PPFIA2: variants seen among roughly 807,000 people sequenced by gnomAD.
The protein encoded by PPFIA2 is PPFI scaffold protein A2.
Under a neutral mutation model 175.5 loss-of-function variants are expected in PPFIA2, and 46 were observed. The observed-to-expected ratio is 0.26, with a 90% CI of 0.21 to 0.34. The LOEUF (loss-of-function observed/expected upper bound fraction) is 0.34. Among genes scored for constraint, PPFIA2 ranks in the 10% least tolerant of loss-of-function variants. The pLI, the probability that PPFIA2 is intolerant of heterozygous loss-of-function variation, is 1.00. For missense variants in PPFIA2, 1,179 were observed against 1,506.1 expected, an observed-to-expected ratio of 0.78 and a Z score of 3.60; for synonymous variants, 568 against 511.4, an observed-to-expected ratio of 1.11 and a Z score of -1.49.
chr12:81,533,896 T>A (rs1003458175), intron 4 of PPFIA2, among the ~76,000 whole-genome samples: 1 of 151,466 alleles, frequency 6.6e-6, no homozygotes, highest in Admixed American at 6.6e-5. Context: ...GTCTTTAAAT[T>A]ATCACTCCCT....
intron 22 of PPFIA2, among the ~76,000 whole-genome samples, chr12:81,304,132 G>T (rs2048555302): frequency 6.6e-6 from 1 of 152,016 alleles, no homozygotes; most frequent in Non-Finnish European, 1.5e-5. Flanking sequence ...TCCTTCTCTT[G>T]CCCTGGAGGC....
intron 7 of PPFIA2, among the ~76,000 whole-genome samples, chr12:81,415,352 C>A (rs1317135599): frequency 7.0e-6 from 1 of 143,530 alleles, no homozygotes; most frequent in African/African-American, 2.5e-5. Context: ...TTATTTTAAA[C>A]TTCCCACCCC....
intron 4 of PPFIA2, among the ~76,000 whole-genome samples, chr12:81,599,803 G>A (rs1410116105): frequency 8.6e-5 from 13 of 151,778 alleles, no homozygotes; most frequent in Non-Finnish European, 1.9e-4. Context: ...TGTTTCTCAT[G>A]ACCTTGATGG....
chr12:81,343,125 G>A (rs1176903282), intron 19 of PPFIA2, among the ~76,000 whole-genome samples: 2 of 151,994 alleles, frequency 1.3e-5, no homozygotes, highest in Non-Finnish European at 2.9e-5. Flanking sequence ...TAAAATGGAA[G>A]TGATACAACA....
chr12:81,342,978 T>A (rs914364314), intron 19 of PPFIA2, among the ~76,000 whole-genome samples: 3 of 128,602 alleles, frequency 2.3e-5, no homozygotes, highest in Non-Finnish European at 3.4e-5. Context: ...ATAATAATAA[T>A]AAATCATGTA....
At chr12:81,439,260 T>A (rs1179933253) in intron 7 of PPFIA2, among the ~76,000 whole-genome samples, 1 of 149,740 alleles carries the variant, frequency 6.7e-6, no homozygotes, top group Non-Finnish European at 1.5e-5. Context: ...GAGACTATAA[T>A]AATACTTCAG....
At chr12:81,519,530 G>C (rs139622257) in intron 4 of PPFIA2, among the ~76,000 whole-genome samples, 59 of 152,304 alleles carry the variant, frequency 3.9e-4, no homozygotes, top group African/African-American at 1.3e-3. Context: ...ACAGCCTATA[G>C]GGGTACAGTT....
At chr12:81,304,079 T>C (rs1283856521) in intron 22 of PPFIA2, among the ~76,000 whole-genome samples, 1 of 152,198 alleles carries the variant, frequency 6.6e-6, no homozygotes, top group Non-Finnish European at 1.5e-5. Context: ...ATACTTTGTC[T>C]TGATTTTCAT....
chr12:81,679,239 G>C (rs1055304011), intron 3 of PPFIA2, among the ~76,000 whole-genome samples: 1 of 151,640 alleles, frequency 6.6e-6, no homozygotes, highest in African/African-American at 2.4e-5. Context: ...AAAAGTTTCT[G>C]TTCATGTAAA....
At chr12:81,608,609 C>G (rs1172094237) in intron 4 of PPFIA2, among the ~76,000 whole-genome samples, 1 of 151,838 alleles carries the variant, frequency 6.6e-6, no homozygotes, top group East Asian at 1.9e-4. Context: ...CTCCGAGAAT[C>G]CTTTGTGTTT....
intron 7 of PPFIA2, among the ~76,000 whole-genome samples, chr12:81,420,647 G>A (rs1245493346): frequency 4.0e-5 from 6 of 151,748 alleles, no homozygotes; most frequent in African/African-American, 1.5e-4. Flanking sequence ...GAAAAAAAGG[G>A]AAGAAAGCCT....
In PPFIA2 at chr12:81,469,105, A is replaced by G. The variant is rs113670437; in HGVS notation, c.304-11239T>C. On this transcript the variant is annotated intron_variant, in intron 4 of 32. Transcript: ENST00000549396. ...TCATCAAATGTTCAAATAATGTAAC[A>G]TGCTCTAATTCCATAGATACTGAGG... Among the ~76,000 whole-genome samples, 9 of 152,340 alleles carry G rather than the reference A, an allele frequency of 5.9e-5. 1 individual carries two copies. Among genetic ancestry groups the G allele is most frequent in the African/African-American group, 2.2e-4 (9 of 41,584 alleles).
At position 81,362,724 on chromosome 12, in the gene PPFIA2, T is replaced by C. The variant is rs1353640095; in HGVS notation, c.1606A>G (p.Thr536Ala). 1.9e-6 allele frequency: 3 copies of C among 1,547,358 alleles called. No homozygotes were observed. Among genetic ancestry groups the C allele is most frequent in the East Asian group, 4.9e-5 (2 of 40,954 alleles). Residue 536 changes from threonine (T) to alanine (A), a missense_variant, in exon 15 of 33, where the codon ACT (threonine) becomes GCT (alanine). Physicochemically the swap from Thr to Ala is moderately conservative, Grantham distance 58 (BLOSUM62 0). Around this residue, in one of 10 missense-constraint regions of PPFIA2, gnomAD observed 186 missense variants for 163.6 expected, o/e 1.14. Transcript: ENST00000549396. ...RSELDQLKMR[T>A]GSLIEPTIPR... ...ATTGTGGGTTCAATTAAAGAGCCAG[T>C]TCTCATTTTCAATTGGTCAAGTTCA... is the stretch of plus-strand genomic sequence containing the variant.
At chr12:81,300,777 T>C (rs1232171901) in intron 22 of PPFIA2, among the ~76,000 whole-genome samples, 1 of 152,060 alleles carries the variant, frequency 6.6e-6, no homozygotes, top group Non-Finnish European at 1.5e-5. Context: ...AAAACCAGTT[T>C]CAAATAGCTT....
intron 7 of PPFIA2, among the ~76,000 whole-genome samples, chr12:81,428,654 T>C (rs2047565573): frequency 6.6e-6 from 1 of 152,034 alleles, no homozygotes; most frequent in East Asian, 1.9e-4. Flanking sequence ...TGTAAATAAC[T>C]ACTGGTTTAA....
At chr12:81,430,131 T>C (rs1234608895) in intron 7 of PPFIA2, 1 of 152,110 alleles carries the variant, frequency 6.6e-6, no homozygotes, top group Admixed American at 6.5e-5. Flanking sequence ...GTTCTATTAC[T>C]TGCCATTGAT....
chr12:81,462,907 T>A (rs976091158), intron 4 of PPFIA2, among the ~76,000 whole-genome samples: 1 of 152,034 alleles, frequency 6.6e-6, no homozygotes, highest in African/African-American at 2.4e-5. Flanking sequence ...GAATAATTCA[T>A]GCATTTAAAT....
chr12:81,494,929 C>A (rs533201694), intron 4 of PPFIA2, among the ~76,000 whole-genome samples: 173 of 125,688 alleles, frequency 1.4e-3, no homozygotes, highest in African/African-American at 5.1e-3. Context: ...GAACATCACA[C>A]CCTGGGGACT....
chr12:81,365,984 C>CCCTTCCTTCCTTCCTTCCTT (rs1227188576), intron 14 of PPFIA2, among the ~76,000 whole-genome samples: 21 of 42,074 alleles, frequency 5.0e-4, no homozygotes, highest in African/African-American at 1.5e-3. Context: ...CTCCCTCCCT[C>CCCTTCCTTCCTTCCTTCCTT]CCTTCCTTCC....
Sources: gnomAD v4.1 joint callset for allele counts (sites outside exome capture counted in the v4.1 genomes callset) on GRCh38, gnomAD v4.1.1 for gene constraint, gnomAD v4.1.1 regional missense constraint, MANE v1.5 for transcripts, NCBI Gene and HGNC (gene_info 2026-07-23, HGNC 2026-07-21) for gene names.